DNAAF11: variants seen among roughly 807,000 people sequenced by gnomAD.
DNAAF11 encodes the protein dynein axonemal assembly factor 11.
A neutral mutation model predicts 60.8 loss-of-function variants in DNAAF11; 45 were observed. The observed-to-expected ratio is 0.74, with a 90% CI of 0.58 to 0.95. The LOEUF (loss-of-function observed/expected upper bound fraction) is 0.95. Among genes scored for constraint, DNAAF11 ranks in the 40% least tolerant of loss-of-function variants. The probability of loss-of-function intolerance (pLI) is 0.00; values close to 1 mark genes in which losing one functional copy is unlikely to be tolerated. For missense variants in DNAAF11, 546 were observed against 546.2 expected (o/e 1.00, Z 0.00); for synonymous variants, 191 against 183.5 (o/e 1.04, Z -0.33).
At chr8:132,667,661 T>G (rs1246514677) in intron 1 of DNAAF11, among the ~76,000 whole-genome samples, 1 of 152,202 alleles carries the variant, frequency 6.6e-6, no homozygotes, top group East Asian at 1.9e-4. Context: ...TGATGAAGGA[T>G]ATTGACAGCT....
rs111863415 is a variant in DNAAF11, at chr8:132,670,263, C to T, written c.10+5221G>A. Among the ~76,000 whole-genome samples, 536 of 152,130 alleles carry T rather than the reference C, an allele frequency of 3.5e-3. 2 individuals carry two copies. The highest frequency in any genetic ancestry group is 0.012 in the African/African-American group (504 of 41,538). ...TTGGTAAACTTTCAGTCAGACTTAT[C>T]AGCAAAAAAGAGAGAAGACACAAAC... On this transcript the variant is annotated intron_variant, in intron 1 of 11. Transcript: ENST00000620350.
chr8:132,572,566 A>G, intron 11 of DNAAF11, 86 bp from the exon 12 acceptor site: 1 of 1,001,420 alleles, frequency 1.0e-6, no homozygotes, highest in South Asian at 1.8e-5. Context: ...CCATTTATTC[A>G]GCAAACGTTG....
intron 2 of DNAAF11, among the ~76,000 whole-genome samples, chr8:132,661,245 T>C (rs1209763368): frequency 1.3e-5 from 2 of 152,136 alleles, no homozygotes; most frequent in Admixed American, 1.3e-4. Context: ...TCCTCACCTT[T>C]ACCTGCTCTC....
the DNAAF11 span, among the ~76,000 whole-genome samples, chr8:132,681,637 A>G: frequency 6.6e-6 from 1 of 152,158 alleles, no homozygotes; most frequent in Non-Finnish European, 1.5e-5. Context: ...ATAAATTTGT[A>G]TTGTTGGATA....
At chr8:132,582,965 T>C (rs985916189) in intron 11 of DNAAF11, among the ~76,000 whole-genome samples, 6 of 152,092 alleles carry the variant, frequency 3.9e-5, no homozygotes, top group Non-Finnish European at 8.8e-5. Context: ...AGGGATGTCA[T>C]TGCTTAAGGG....
At chr8:132,664,432 T>C (rs1824427985) in intron 1 of DNAAF11, among the ~76,000 whole-genome samples, 1 of 152,164 alleles carries the variant, frequency 6.6e-6, no homozygotes, top group Non-Finnish European at 1.5e-5. Context: ...GTACCAAATA[T>C]CCTTGTAGTA....
Position 132,580,103 on chromosome 8 carries a change from T to G in DNAAF11, c.1226+3591A>C, listed in dbSNP as rs140989469. Among the ~76,000 whole-genome samples, 431 of 151,130 alleles carry G rather than the reference T, an allele frequency of 2.9e-3. 1 individual carries two copies. Among genetic ancestry groups the G allele is most frequent in the African/African-American group, 0.01 (413 of 41,254 alleles). On this transcript the variant is annotated intron_variant, in intron 11 of 11. Transcript: ENST00000620350. ...AATAGAAATATAAAAACTTCAGATA[T>G]TGGAATATGAAAACATGAACTATAA... is the stretch of plus-strand genomic sequence containing the variant.
At chr8:132,627,526 G>C (rs987366852) in intron 5 of DNAAF11, among the ~76,000 whole-genome samples, 1 of 152,174 alleles carries the variant, frequency 6.6e-6, no homozygotes, top group Non-Finnish European at 1.5e-5. Flanking sequence ...AGAGCAGCAT[G>C]ATCTCAGCTA....
chr8:132,698,942 A>ATATTTTGTGTGTGTGTG, the DNAAF11 span, among the ~76,000 whole-genome samples: 2 of 75,504 alleles, frequency 2.6e-5, no homozygotes, highest in African/African-American at 1.7e-4. Context: ...GTATACATAT[A>ATATTTTGTGTGTGTGTG]TATATATATA....
At chr8:132,692,765 C>T in the DNAAF11 span, among the ~76,000 whole-genome samples, 1 of 152,204 alleles carries the variant, frequency 6.6e-6, no homozygotes, top group Non-Finnish European at 1.5e-5. Flanking sequence ...CAACCTCCAC[C>T]TTGCCAAGGG....
At chr8:132,655,165 T>C (rs1188092873) in intron 3 of DNAAF11, among the ~76,000 whole-genome samples, 3 of 151,662 alleles carry the variant, frequency 2.0e-5, no homozygotes, top group Admixed American at 6.6e-5. Flanking sequence ...CTAAGTGAAA[T>C]AGATAAATTC....
rs1160768690 is a variant in DNAAF11 at position 132,637,982 on chromosome 8, A to G, written c.382T>C (p.Phe128Leu). The change falls in exon 4 of 12, where the codon TTT becomes CTT. Residue 128 changes from phenylalanine (F) to leucine (L), a missense_variant. Transcript: ENST00000620350. Reference protein sequence around the residue: ...LFLMGNPCASFDHYREFVVAT... With the variant: ...LFLMGNPCASLDHYREFVVAT... ...ACCACGAACTCCCTATAGTGGTCAA[A>G]GGAAGCACATGGGTTCCCCATGAGA... The G allele has an allele frequency of 2.5e-6, 4 of 1,614,124 alleles. No homozygotes were observed. The highest frequency in any genetic ancestry group is 1.1e-5 in the South Asian group (1 of 91,070).
chr8:132,642,296 T>C (rs1251925883), intron 3 of DNAAF11, among the ~76,000 whole-genome samples: 2 of 152,354 alleles, frequency 1.3e-5, no homozygotes, highest in South Asian at 2.1e-4. Flanking sequence ...GAGAGAAATA[T>C]CACAATTACT....
intron 10 of DNAAF11, among the ~76,000 whole-genome samples, chr8:132,592,632 C>T (rs1050807298): frequency 6.6e-6 from 1 of 152,040 alleles, no homozygotes; most frequent in Admixed American, 6.6e-5. Context: ...ATAAAGTCTG[C>T]ATTTTTGGAA....
intron 10 of DNAAF11, among the ~76,000 whole-genome samples, chr8:132,600,571 C>A (rs995740091): frequency 6.6e-6 from 1 of 152,150 alleles, no homozygotes; most frequent in African/African-American, 2.4e-5. Flanking sequence ...GGTACCAAAA[C>A]AGAGATATAG....
the DNAAF11 span, among the ~76,000 whole-genome samples, chr8:132,689,977 A>G: frequency 6.6e-6 from 1 of 152,100 alleles, no homozygotes; most frequent in Non-Finnish European, 1.5e-5. Flanking sequence ...CAGCCTCCCA[A>G]AGGGCTGGGA....
At chr8:132,674,514 A>C (rs752165177) in intron 1 of DNAAF11, among the ~76,000 whole-genome samples, 2 of 152,138 alleles carry the variant, frequency 1.3e-5, no homozygotes, top group Non-Finnish European at 2.9e-5. Flanking sequence ...GAGCTCAAAA[A>C]CGTTGTCGAT....
chr8:132,679,007 C>G (rs1328279568), upstream of DNAAF11, among the ~76,000 whole-genome samples: 1 of 152,014 alleles, frequency 6.6e-6, no homozygotes, highest in African/African-American at 2.4e-5. Context: ...AAGCACTGTG[C>G]GCTCAACACT....
intron 8 of DNAAF11, among the ~76,000 whole-genome samples, chr8:132,611,920 A>G (rs963248826): frequency 3.9e-5 from 6 of 152,212 alleles, no homozygotes; most frequent in African/African-American, 1.4e-4. Context: ...TCCACTCATG[A>G]GCAAATTAAA....
Sources: allele counts gnomAD v4.1 joint callset (sites outside exome capture counted in the v4.1 genomes callset), GRCh38; gene constraint gnomAD v4.1.1; transcripts MANE v1.5; gene names NCBI Gene and HGNC (gene_info 2026-07-23, HGNC 2026-07-21).